ALG14: variants seen among roughly 807,000 people sequenced by gnomAD.
ALG14 encodes the protein UDP-N-acetylglucosamine transferase subunit ALG14.
ALG14 carries 17 observed loss-of-function variants against 22.8 expected under a neutral mutation model. That is an observed-to-expected ratio of 0.75 (90% confidence interval 0.51 to 1.12). ALG14 has a LOEUF of 1.12. Among genes scored for constraint, ALG14 ranks in the 50% most tolerant of loss-of-function variants. ALG14 has a pLI of 0.00. For synonymous variants in ALG14, 89 were observed against 103.7 expected (o/e 0.86, Z 0.86); for missense variants, 288 against 271.8 (o/e 1.06, Z -0.42).
chr1:95,007,274 T>C lies in ALG14; in HGVS notation c.420+19855A>G, dbSNP rs138441441. ...AAATGTAGGTCTGGCTAACAAATAC[T>C]AACAATTATTTTTATTTGCTGATAG... On this transcript the variant is annotated intron_variant, in intron 3 of 3. Transcript: ENST00000370205. Among the ~76,000 whole-genome samples, 455 of 152,358 alleles carry C rather than the reference T, an allele frequency of 3.0e-3. 2 individuals are homozygous for C. Among genetic ancestry groups the C allele is most frequent in the Non-Finnish European group, 4.7e-3 (321 of 68,030 alleles).
At chr1:95,024,781 A>C (rs1205934955) in intron 3 of ALG14, among the ~76,000 whole-genome samples, 1 of 152,212 alleles carries the variant, frequency 6.6e-6, no homozygotes, top group African/African-American at 2.4e-5. Context: ...ATTCAGTCAC[A>C]TCTTCAGGCT....
chr1:95,044,377 G>C (rs1205156857), intron 2 of ALG14, among the ~76,000 whole-genome samples: 1 of 152,138 alleles, frequency 6.6e-6, no homozygotes, highest in African/African-American at 2.4e-5. Flanking sequence ...CAGATTAAGA[G>C]AGGAAGTTTT....
chr1:95,038,947 C>A (rs1378746668), intron 2 of ALG14, among the ~76,000 whole-genome samples: 1 of 152,104 alleles, frequency 6.6e-6, no homozygotes, highest in Admixed American at 6.6e-5. Context: ...GTCTGGAATT[C>A]CTGGGTTCAA....
chr1:94,993,567 A>G (rs1335549082), intron 3 of ALG14, among the ~76,000 whole-genome samples: 3 of 151,934 alleles, frequency 2.0e-5, no homozygotes, highest in Non-Finnish European at 4.4e-5. Flanking sequence ...AGGATTCCTG[A>G]GCTTCCCCTA....
intron 1 of ALG14, among the ~76,000 whole-genome samples, chr1:95,072,542 G>A (rs772951513): frequency 2.0e-5 from 3 of 152,060 alleles, no homozygotes; most frequent in Non-Finnish European, 4.4e-5. Flanking sequence ...CTTAATTATA[G>A]ACAAGTGTAA....
At chr1:95,062,664 G>A (rs1237015992) in intron 2 of ALG14, among the ~76,000 whole-genome samples, 4 of 152,174 alleles carry the variant, frequency 2.6e-5, no homozygotes, top group Admixed American at 2.6e-4. Flanking sequence ...ATTTCATAGT[G>A]TATATGTACC....
At chr1:95,034,527 C>T (rs951267705) in intron 2 of ALG14, among the ~76,000 whole-genome samples, 1 of 152,160 alleles carries the variant, frequency 6.6e-6, no homozygotes, top group Non-Finnish European at 1.5e-5. Context: ...AACCTCATGA[C>T]ATCTCAGGGT....
rs1396086570 is a variant in ALG14, at chr1:94,983,001, T to C, written c.*75A>G. On this transcript the variant is annotated 3_prime_UTR_variant, in exon 4 of 4. Coordinates refer to ENST00000370205, the MANE Select transcript of ALG14 (RefSeq NM_144988.4). ...GTCAGACGCCTTTACAAGAAACATG[T>C]AGGGTTTTTTTCCCCCCAATTTGAG... 1.2e-5 allele frequency: 15 copies of C among 1,252,476 alleles called. No individual in the cohort carries two copies. Among genetic ancestry groups the C allele is most frequent in the African/African-American group, 3.0e-5 (2 of 66,772 alleles). The allele number at this position is 1,252,476 out of a possible 1,614,324, so 77.6% of individuals were successfully genotyped here. A position where few individuals can be genotyped will look rare whatever the true frequency, so the allele number is the denominator to read the frequency against.
At position 95,045,650 on chromosome 1, in the gene ALG14, A is replaced by G. The variant is rs540231004; in HGVS notation, c.289-18390T>C. On this transcript the variant is annotated intron_variant, in intron 2 of 3. Coordinates refer to ENST00000370205, the MANE Select transcript of ALG14 (RefSeq NM_144988.4). ...ATATTAATAGAATTAGTATAATAGT[A>G]TACTAACAGAATGGTATACTAATAG... Among the ~76,000 whole-genome samples the G allele has an allele frequency of 1.8e-4, 28 of 151,572 alleles. No individual in the cohort carries two copies. In the South Asian group the frequency reaches 4.2e-3, roughly 23 times the overall value.
intron 2 of ALG14, among the ~76,000 whole-genome samples, chr1:95,049,620 C>A (rs568774645): frequency 6.6e-6 from 1 of 152,144 alleles, no homozygotes; most frequent in South Asian, 2.1e-4. Flanking sequence ...CCTGTAATTC[C>A]AGCACTTTTG....
chr1:94,994,292 G>T (rs1304586013), intron 3 of ALG14, among the ~76,000 whole-genome samples: 1 of 152,034 alleles, frequency 6.6e-6, no homozygotes, highest in African/African-American at 2.4e-5. Context: ...TTTCACAGAG[G>T]GTTTTAAACC....
intron 3 of ALG14, among the ~76,000 whole-genome samples, chr1:95,004,215 CT>C (rs869303546): frequency 0.027 from 3,114 of 117,098 alleles, 33 homozygotes; most frequent in African/African-American, 0.075. Flanking sequence ...GGGTAATTAA[CT>C]TTTTTTTTTT....
intron 2 of ALG14, among the ~76,000 whole-genome samples, chr1:95,060,233 T>G (rs1206396897): frequency 6.6e-6 from 1 of 151,418 alleles, no homozygotes; most frequent in Non-Finnish European, 1.5e-5. Flanking sequence ...CCTCAACAGC[T>G]CATTTGCATC....
Position 95,064,954 on chromosome 1 carries a change from T to C in ALG14, c.200A>G (p.His67Arg), listed in dbSNP as rs1373281011. The change falls in exon 2 of 4, where the codon CAT (histidine) becomes CGT (arginine). Residue 67 changes from histidine (H) to arginine (R), a missense_variant. His to Arg is a conservative substitution (Grantham distance 29). Transcript: ENST00000370205. ...GSLSNAYSPR[H>R]YVIADTDEMS... ...TTCATCAGTGTCAGCAATGACATAA[T>C]GTCTAGGTGAGTAGGCATTGGACAA... The C allele has an allele frequency of 1.9e-6, 3 of 1,614,004 alleles. No individual in the cohort carries two copies. The Admixed American group carries it at 5.0e-5, about 27-fold the overall frequency.
intron 3 of ALG14, among the ~76,000 whole-genome samples, chr1:94,990,343 A>T (rs960504295): frequency 6.6e-6 from 1 of 152,204 alleles, no homozygotes; most frequent in Non-Finnish European, 1.5e-5. Context: ...GGCTCACATG[A>T]TGGTACATTG....
Position 95,022,247 on chromosome 1 carries a change from C to A in ALG14, c.420+4882G>T, listed in dbSNP as rs1673684567. Reference sequence around the variant, plus strand: ...TTTGACACAGATGTTGTTCGGAACTCACTCAATGTGAAACAGAAGCTATAA... The same window carrying A: ...TTTGACACAGATGTTGTTCGGAACTAACTCAATGTGAAACAGAAGCTATAA... On this transcript the variant is annotated intron_variant, in intron 3 of 3. Transcript: ENST00000370205. 3.3e-6 allele frequency: 3 copies of A among 899,486 alleles called. No homozygotes were observed. The South Asian group carries it at 1.5e-4, about 46-fold the overall frequency. 55.7% of individuals were successfully genotyped at this position (899,486 alleles called of 1,614,324 possible).
intron 3 of ALG14, among the ~76,000 whole-genome samples, chr1:94,997,837 G>A (rs953162155): frequency 1.5e-4 from 23 of 152,168 alleles, no homozygotes; most frequent in African/African-American, 5.1e-4. Context: ...CTGAAGCGGG[G>A]AGGAGAATCT....
intron 2 of ALG14, among the ~76,000 whole-genome samples, chr1:95,043,341 T>C (rs1557970932): frequency 6.6e-6 from 1 of 151,972 alleles, no homozygotes; most frequent in Non-Finnish European, 1.5e-5. Context: ...TAACTGGTGG[T>C]GGGGGTTGGG....
At chr1:95,058,806 G>A (rs1041377994) in intron 2 of ALG14, among the ~76,000 whole-genome samples, 3 of 151,796 alleles carry the variant, frequency 2.0e-5, no homozygotes, top group Non-Finnish European at 2.9e-5. Flanking sequence ...AACTGTTGAT[G>A]TTATGATGAG....
Sources: allele counts gnomAD v4.1 joint callset (sites outside exome capture counted in the v4.1 genomes callset), GRCh38; gene constraint gnomAD v4.1.1; transcripts MANE v1.5; gene names NCBI Gene and HGNC (gene_info 2026-07-23, HGNC 2026-07-21).